Variants in USP34 observed in about 807,000 individuals in gnomAD.
USP34 encodes ubiquitin specific peptidase 34.
A neutral mutation model predicts 460.3 loss-of-function variants in USP34; 70 were observed. The ratio of observed to expected loss-of-function variants is 0.15; its 90% CI spans 0.13 to 0.19. The LOEUF (loss-of-function observed/expected upper bound fraction) is 0.19, where lower values mean the gene tolerates loss of function less well. Among genes scored for constraint, USP34 ranks in the 10% least tolerant of loss-of-function variants. USP34 has a pLI of 1.00. For synonymous variants in USP34, 1,647 were observed against 1,405.3 expected (o/e 1.17, Z -3.85); for missense variants, 3,985 against 4,236.2 (o/e 0.94, Z 1.65).
At chr2:61,287,184 C>G (rs1350604468) in intron 34 of USP34, among the ~76,000 whole-genome samples, 1 of 152,108 alleles carries the variant, frequency 6.6e-6, no homozygotes, top group Non-Finnish European at 1.5e-5. Flanking sequence ...AAAAGGAAAT[C>G]TGCTTCAGGT....
At chr2:61,305,599 GAGA>G (rs1201876892) in intron 27 of USP34, among the ~76,000 whole-genome samples, 1 of 152,006 alleles carries the variant, frequency 6.6e-6, no homozygotes, top group African/African-American at 2.4e-5. Context: ...AGGTTAAGGA[GAGA>G]AGAAAAAGAG....
chr2:61,296,330 C>G (rs1285558513), intron 30 of USP34, among the ~76,000 whole-genome samples: 1 of 152,092 alleles, frequency 6.6e-6, no homozygotes, highest in Admixed American at 6.5e-5. Context: ...ATACCCAACA[C>G]ACATGTGAGG....
chr2:61,190,845 A>G (rs1468749177), intron 76 of USP34, 187 bp from the exon 77 acceptor site: 3 of 604,260 alleles, frequency 5.0e-6, no homozygotes, highest in Non-Finnish European at 5.4e-6. Context: ...TTTTTCATAC[A>G]GTAAAATGTT....
chr2:61,283,329 T>A (rs1689590670), intron 36 of USP34, 60 bp from the exon 37 acceptor site: 1 of 1,582,604 alleles, frequency 6.3e-7, no homozygotes, highest in Non-Finnish European at 8.6e-7. Context: ...GAAAACACAA[T>A]GTTCAATATT....
intron 42 of USP34, 73 bp downstream of exon 42, chr2:61,265,910 GT>G (rs1689032045): frequency 7.4e-7 from 1 of 1,354,474 alleles, no homozygotes; most frequent in Non-Finnish European, 9.9e-7. Flanking sequence ...AGATTCTTTT[GT>G]TAAACAGTGC....
At chr2:61,440,890 G>C (rs556203851) in intron 1 of USP34, among the ~76,000 whole-genome samples, 1 of 151,832 alleles carries the variant, frequency 6.6e-6, no homozygotes, top group East Asian at 2.0e-4. Context: ...CACTATGGGA[G>C]GCCGAGACGG....
rs1285706993 is a variant in USP34 at position 61,349,347 on chromosome 2, C to T, written c.1508-62G>A. 7.2e-6 allele frequency: 11 copies of T among 1,528,866 alleles called. No individual in the cohort carries two copies. In the Admixed American group the frequency reaches 8.9e-5, roughly 12 times the overall value. 94.7% of individuals were successfully genotyped at this position (1,528,866 alleles called of 1,614,324 possible). Reference sequence around the variant, plus strand: ...AAGTGACTCAGCTTCTTTGAGACAGCGTATCAGTTGTTCATATTACATAAT... The same window carrying T: ...AAGTGACTCAGCTTCTTTGAGACAGTGTATCAGTTGTTCATATTACATAAT... On this transcript the variant is annotated intron_variant, in intron 12 of 79. Coordinates refer to ENST00000398571, the MANE Select transcript of USP34 (RefSeq NM_014709.4).
At chr2:61,406,666 C>T (rs978138923) in intron 2 of USP34, among the ~76,000 whole-genome samples, 2 of 150,622 alleles carry the variant, frequency 1.3e-5, no homozygotes, top group South Asian at 4.2e-4. Flanking sequence ...CTCTCTCTCC[C>T]CCCCAAGCTC....
At chr2:61,193,043 C>G (rs1686686921) in intron 75 of USP34, 63 bp from the exon 76 acceptor site, 6 of 1,304,014 alleles carry the variant, frequency 4.6e-6, no homozygotes, top group South Asian at 1.3e-5. Flanking sequence ...AGATACTCAA[C>G]TCTGCAGGTA....
At chr2:61,227,005 C>A (rs1687747758) in intron 62 of USP34, 62 bp downstream of exon 62, 2 of 1,517,802 alleles carry the variant, frequency 1.3e-6, no homozygotes, top group Admixed American at 2.5e-5. Context: ...TAGTGGTAAA[C>A]AATTATGTAA....
chr2:61,445,889 A>C (rs1695100720), intron 1 of USP34, among the ~76,000 whole-genome samples: 1 of 151,926 alleles, frequency 6.6e-6, no homozygotes, highest in Non-Finnish European at 1.5e-5. Flanking sequence ...CAGAGGTTGC[A>C]GTGAGCTGCG....
chr2:61,232,867 C>CA (rs1280199024), intron 57 of USP34, among the ~76,000 whole-genome samples: 1 of 118,810 alleles, frequency 8.4e-6, no homozygotes, highest in Non-Finnish European at 1.7e-5. Flanking sequence ...TATTCCCCCC[C>CA]CCCTTTTTTT....
chr2:61,198,344 G>A (rs912583539), intron 75 of USP34, among the ~76,000 whole-genome samples: 1 of 151,962 alleles, frequency 6.6e-6, no homozygotes, highest in African/African-American at 2.4e-5. Flanking sequence ...CTCAATATAG[G>A]TGAACTATGG....
chr2:61,287,017 T>C (rs963839226), intron 34 of USP34, among the ~76,000 whole-genome samples: 1 of 152,170 alleles, frequency 6.6e-6, no homozygotes, highest in East Asian at 1.9e-4. Context: ...CAAAACATTA[T>C]AGTAATGTAA....
chr2:61,354,314 A>C (rs1449255625), intron 10 of USP34, among the ~76,000 whole-genome samples: 1 of 152,220 alleles, frequency 6.6e-6, no homozygotes, highest in African/African-American at 2.4e-5. Flanking sequence ...TCTCATCCAA[A>C]ACGTTAGAGG....
chr2:61,322,616 T>C (rs1018259972), intron 21 of USP34, among the ~76,000 whole-genome samples: 1 of 152,170 alleles, frequency 6.6e-6, no homozygotes, highest in Admixed American at 6.5e-5. Flanking sequence ...AGAAATTTCT[T>C]TTATTGGGAA....
At chr2:61,232,859 TTC>T (rs1687949845) in intron 57 of USP34, among the ~76,000 whole-genome samples, 5 of 37,838 alleles carry the variant, frequency 1.3e-4, no homozygotes, top group South Asian at 4.3e-3. Context: ...TATATATATA[TTC>T]CCCCCCCCCT....
At chr2:61,225,633 G>C (rs1355829714) in intron 62 of USP34, among the ~76,000 whole-genome samples, 1 of 151,878 alleles carries the variant, frequency 6.6e-6, no homozygotes, top group Non-Finnish European at 1.5e-5. Flanking sequence ...TGAGGTAGTT[G>C]TGTTCTATAA....
At chr2:61,364,121 A>T (rs1320928612) in intron 10 of USP34, among the ~76,000 whole-genome samples, 1 of 152,212 alleles carries the variant, frequency 6.6e-6, no homozygotes, top group African/African-American at 2.4e-5. Context: ...CACACCTAAA[A>T]TCCCCGCACT....
Sources: allele counts gnomAD v4.1 joint callset (sites outside exome capture counted in the v4.1 genomes callset), GRCh38; gene constraint gnomAD v4.1.1; transcripts MANE v1.5; gene names NCBI Gene and HGNC (gene_info 2026-07-23, HGNC 2026-07-21).